Variants in SASH1 observed in about 807,000 individuals in gnomAD.
SASH1 encodes the protein SAM and SH3 domain containing 1, also known as SAM and SH3 domain-containing protein 1.
SASH1 carries 44 observed loss-of-function variants against 125.2 expected under a neutral mutation model. That is an observed-to-expected ratio of 0.35 (90% CI 0.28 to 0.45). SASH1 has a LOEUF of 0.45. Among genes scored for constraint, SASH1 ranks in the 20% least tolerant of loss-of-function variants. The pLI, the probability that SASH1 is intolerant of heterozygous loss-of-function variation, is 1.00. For synonymous variants in SASH1, 639 were observed against 649.1 expected, an observed-to-expected ratio of 0.98 and a Z score of 0.24; for missense variants, 1,426 against 1,614.5, an observed-to-expected ratio of 0.88 and a Z score of 2.00.
At chr6:148,527,987 T>G (rs540721266) in intron 12 of SASH1, among the ~76,000 whole-genome samples, 13 of 79,858 alleles carry the variant, frequency 1.6e-4, no homozygotes, top group African/African-American at 5.4e-4. Flanking sequence ...CTTTTTTTTT[T>G]TGGGGGGGGG....
intron 1 of SASH1, among the ~76,000 whole-genome samples, chr6:148,319,176 G>A (rs1169311090): frequency 6.6e-6 from 1 of 151,470 alleles, no homozygotes; most frequent in African/African-American, 2.4e-5. Flanking sequence ...GGGACCACAG[G>A]CGCCCACCAC....
chr6:148,440,442 C>T, intron 4 of SASH1, 35 bp downstream of exon 4: 1 of 1,579,484 alleles, frequency 6.3e-7, no homozygotes, highest in Non-Finnish European at 8.7e-7. Context: ...GACCACCTTC[C>T]AAGAAGGTGT....
At chr6:148,266,194 G>A in the SASH1 span, among the ~76,000 whole-genome samples, 2 of 152,024 alleles carry the variant, frequency 1.3e-5, no homozygotes, top group East Asian at 1.9e-4. Context: ...GGCTGGTCTC[G>A]AACTCCTGAC....
chr6:148,427,263 G>A (rs1287649170), intron 2 of SASH1, among the ~76,000 whole-genome samples: 3 of 152,076 alleles, frequency 2.0e-5, no homozygotes, highest in African/African-American at 7.2e-5. Context: ...TTTACCCCTG[G>A]GAAATTCACC....
In SASH1 at chr6:148,377,184, CA is replaced by C. The variant is rs1205507255; in HGVS notation, c.157-12940del. Among the ~76,000 whole-genome samples the C allele has an allele frequency of 5.8e-4, 22 of 38,128 alleles. 1 individual carries two copies. The highest frequency in any genetic ancestry group is 8.7e-4 in the Non-Finnish European group (15 of 17,146). The allele number at this position is 38,128 out of a possible 152,430, so 25.0% of individuals were successfully genotyped here. ...GACTCCGTCTCAAAAAAAAAAAAAA[CA>C]AAAAAAAAACAAAAAAAAAACAAAA... On this transcript the variant is annotated intron_variant, in intron 1 of 19. Transcript: ENST00000367467.
intron 2 of SASH1, among the ~76,000 whole-genome samples, chr6:148,417,301 C>A (rs991835579): frequency 6.6e-6 from 1 of 152,048 alleles, no homozygotes; most frequent in African/African-American, 2.4e-5. Flanking sequence ...GAGTGTGTAT[C>A]CCTGGTCGGG....
At chr6:148,447,467 C>A (rs1181191689) in intron 4 of SASH1, among the ~76,000 whole-genome samples, 1 of 152,184 alleles carries the variant, frequency 6.6e-6, no homozygotes, top group African/African-American at 2.4e-5. Flanking sequence ...TTCTCCCTCT[C>A]AAAGATCTTT....
chr6:148,488,620 T>C (rs1430086312), intron 8 of SASH1, among the ~76,000 whole-genome samples: 2 of 152,260 alleles, frequency 1.3e-5, no homozygotes, highest in Admixed American at 6.5e-5. Flanking sequence ...CTGCCAACAA[T>C]GTACAAAAGT....
intron 7 of SASH1, 77 bp from the exon 8 acceptor site, chr6:148,487,537 G>A (rs1778929029): frequency 9.9e-7 from 1 of 1,014,618 alleles, no homozygotes; most frequent in Non-Finnish European, 1.5e-6. Context: ...TGTATTATTT[G>A]AGTCATTTCC....
At chr6:148,218,343 C>G in the SASH1 span, among the ~76,000 whole-genome samples, 1 of 152,178 alleles carries the variant, frequency 6.6e-6, no homozygotes, top group Non-Finnish European at 1.5e-5. Context: ...CAATAAGACC[C>G]CAACCCAAAA....
At position 148,544,518 on chromosome 6, in the gene SASH1, G is replaced by T. The variant is rs752540259; in HGVS notation, c.3048G>T (p.Ala1016=). The change falls in exon 18 of 20, where the codon GCG becomes GCT. Residue 1016 remains alanine (A), a synonymous_variant. Transcript: ENST00000367467. This position sits in a 1 kb window ranked among gnomAD's most constrained non-coding sequence, Gnocchi z 6.4. ...GPSGALPSPD[A]PCLPVKRGSP... ...GTGGGGCCCTCCCCAGTCCCGATGC[G>T]CCATGCCTGCCAGTGAAAAGGGGCA... 6.2e-7 allele frequency: 1 copy of T among 1,612,872 alleles called. No individual in the cohort carries two copies. The highest frequency in any genetic ancestry group is 1.6e-4 in the Middle Eastern group (1 of 6,062).
At chr6:148,391,030 C>T (rs1206423369) in intron 2 of SASH1, among the ~76,000 whole-genome samples, 2 of 151,910 alleles carry the variant, frequency 1.3e-5, no homozygotes, top group Non-Finnish European at 2.9e-5. Flanking sequence ...GCAATAATCA[C>T]GTTGGTGTTT....
Position 148,514,437 on chromosome 6 carries a change from GA to G in SASH1, c.849del (p.Lys283AsnfsTer80). On this transcript the variant is annotated frameshift_variant, in exon 9 of 20. Transcript: ENST00000367467. LOFTEE classifies it high-confidence loss of function. Reference sequence around the variant, plus strand: ...AGAAACTAATTAGGGTGGAAGAAATGAAAAAACCCAGCACTGAAGGTAAAAA... The same window carrying G: ...AGAAACTAATTAGGGTGGAAGAAATGAAAAACCCAGCACTGAAGGTAAAAA... ...RKKLIRVEEM[K>X]KPSTEGGEEH... The G allele has an allele frequency of 2.6e-6, 1 of 379,964 alleles. No individual in the cohort carries two copies. Among genetic ancestry groups the G allele is most frequent in the South Asian group, 3.4e-5 (1 of 29,274 alleles). 23.5% of individuals were successfully genotyped at this position (379,964 alleles called of 1,614,324 possible).
At chr6:148,481,308 C>T (rs1778608076) in intron 7 of SASH1, among the ~76,000 whole-genome samples, 1 of 152,156 alleles carries the variant, frequency 6.6e-6, no homozygotes. Flanking sequence ...CTACGCAGAC[C>T]ATTCAAACTT....
chr6:148,222,972 A>T, the SASH1 span, among the ~76,000 whole-genome samples: 57 of 152,346 alleles, frequency 3.7e-4, no homozygotes, highest in African/African-American at 1.3e-3. Flanking sequence ...TGAGGATAAT[A>T]GTACTTCGCA....
chr6:148,457,924 G>A (rs1461654216), intron 4 of SASH1, among the ~76,000 whole-genome samples: 1 of 152,170 alleles, frequency 6.6e-6, no homozygotes, highest in Non-Finnish European at 1.5e-5. Context: ...TCACTATCGC[G>A]AGAACAGCAT....
At chr6:148,244,957 TGTGAGAGA>T in the SASH1 span, among the ~76,000 whole-genome samples, 11 of 135,752 alleles carry the variant, frequency 8.1e-5, no homozygotes, top group African/African-American at 2.1e-4. Flanking sequence ...TGTGTGTGTG[TGTGAGAGA>T]GAGAGAGAGA....
At chr6:148,317,823 C>T (rs1780521398) in intron 1 of SASH1, among the ~76,000 whole-genome samples, 1 of 152,212 alleles carries the variant, frequency 6.6e-6, no homozygotes, top group Admixed American at 6.5e-5. Context: ...TAGTGCATTG[C>T]TGCCTTTTTG....
chr6:148,404,615 C>T (rs993290659), intron 2 of SASH1, among the ~76,000 whole-genome samples: 1 of 135,476 alleles, frequency 7.4e-6, no homozygotes, highest in African/African-American at 2.8e-5. Context: ...CCAGCACCAC[C>T]GGCCTCCCAC....
Sources: allele counts gnomAD v4.1 joint callset (sites outside exome capture counted in the v4.1 genomes callset), GRCh38; gene constraint gnomAD v4.1.1; non-coding constraint Gnocchi (gnomAD v3.1); transcripts MANE v1.5; gene names NCBI Gene and HGNC (gene_info 2026-07-23, HGNC 2026-07-21).